Variants in SVEP1 observed in about 807,000 individuals in gnomAD.
The protein encoded by SVEP1 is sushi, von Willebrand factor type A, EGF and pentraxin domain containing 1, also known as sushi, von Willebrand factor type A, EGF and pentraxin domain-containing protein 1.
A neutral mutation model predicts 367.3 loss-of-function variants in SVEP1; 164 were observed. The ratio of observed to expected loss-of-function variants is 0.45; its 90% confidence interval spans 0.39 to 0.51. The LOEUF (loss-of-function observed/expected upper bound fraction) is 0.51. Ranked by LOEUF, SVEP1 falls within the 20% of genes least tolerant of loss-of-function variation. The probability of loss-of-function intolerance (pLI) is 0.00; values close to 1 mark genes in which losing one functional copy is unlikely to be tolerated. For synonymous variants in SVEP1, 1,666 were observed against 1,611.6 expected (o/e 1.03, Z -0.81); for missense variants, 4,117 against 4,425.3 (o/e 0.93, Z 1.98).
chr9:110,441,662 T>C (rs1828511967), intron 27 of SVEP1, among the ~76,000 whole-genome samples: 1 of 152,220 alleles, frequency 6.6e-6, no homozygotes, highest in African/African-American at 2.4e-5. Flanking sequence ...TTATTTTTCA[T>C]TTGTCCCAAG....
At chr9:110,432,966 G>A (rs1174634655) in intron 30 of SVEP1, among the ~76,000 whole-genome samples, 1 of 152,158 alleles carries the variant, frequency 6.6e-6, no homozygotes, top group Non-Finnish European at 1.5e-5. Flanking sequence ...GGGTCATAGG[G>A]GCAGATCCCT....
At chr9:110,384,208 A>G (rs541374435) in intron 43 of SVEP1, among the ~76,000 whole-genome samples, 15 of 152,314 alleles carry the variant, frequency 9.8e-5, no homozygotes, top group African/African-American at 3.6e-4. Flanking sequence ...GCACAGATCC[A>G]TGGAAAAAGT....
intron 27 of SVEP1, among the ~76,000 whole-genome samples, chr9:110,441,601 T>C (rs1275362198): frequency 6.6e-6 from 1 of 152,232 alleles, no homozygotes; most frequent in Non-Finnish European, 1.5e-5. Context: ...TCTGTATGTT[T>C]CATTCCTCTC....
intron 9 of SVEP1, among the ~76,000 whole-genome samples, chr9:110,488,757 C>T (rs1249794610): frequency 6.6e-6 from 1 of 151,786 alleles, no homozygotes; most frequent in South Asian, 2.1e-4. Context: ...GCCTGTAGTC[C>T]CAGCTATTTG....
chr9:110,488,039 G>A (rs1829310195), intron 9 of SVEP1, among the ~76,000 whole-genome samples: 1 of 152,160 alleles, frequency 6.6e-6, no homozygotes, highest in Admixed American at 6.6e-5. Flanking sequence ...GGACTGATCC[G>A]CAGCGGTGGT....
At chr9:110,535,546 T>C (rs1830068705) in intron 3 of SVEP1, among the ~76,000 whole-genome samples, 1 of 152,174 alleles carries the variant, frequency 6.6e-6, no homozygotes, top group South Asian at 2.1e-4. Context: ...AGTTCTGTCA[T>C]GAATGTTATT....
At chr9:110,447,264 A>T (rs1389348074) in intron 24 of SVEP1, among the ~76,000 whole-genome samples, 1 of 152,260 alleles carries the variant, frequency 6.6e-6, no homozygotes, top group African/African-American at 2.4e-5. Flanking sequence ...CAGTAGCAAA[A>T]ATAAAGTAGA....
intron 13 of SVEP1, 131 bp from the exon 14 acceptor site, chr9:110,476,446 C>A: frequency 1.5e-6 from 1 of 666,832 alleles, no homozygotes; most frequent in Non-Finnish European, 2.6e-6. Flanking sequence ...TCTGCACATT[C>A]CTCAAAGGGA....
chr9:110,513,685 A>C (rs1172821230), intron 4 of SVEP1, among the ~76,000 whole-genome samples: 1 of 152,038 alleles, frequency 6.6e-6, no homozygotes, highest in East Asian at 1.9e-4. Flanking sequence ...GATTCATTTT[A>C]AATGTTTTCC....
At position 110,411,309 on chromosome 9, in the gene SVEP1, AG is replaced by A; in HGVS notation, c.6401del (p.Pro2134LeufsTer20). 6.2e-7 allele frequency: 1 copy of A among 1,614,048 alleles called. No individual in the cohort carries two copies. Among genetic ancestry groups the A allele is most frequent in the Non-Finnish European group, 8.5e-7 (1 of 1,179,894 alleles). Reference sequence around the variant, plus strand: ...GGATGCACTGGATGGACATGGGGGAAGGGTTCCACTGCCCACCTCTCATACA... The same window carrying A: ...GGATGCACTGGATGGACATGGGGGAAGGTTCCACTGCCCACCTCTCATACA... ...IECMRGGQWN[P>X]SPMSIQCIPV... On this transcript the variant is annotated frameshift_variant, in exon 37 of 48. Coordinates refer to ENST00000374469, the MANE Select transcript of SVEP1 (RefSeq NM_153366.4). LOFTEE classifies it high-confidence loss of function.
chr9:110,390,090 C>T (rs796888838), intron 40 of SVEP1, among the ~76,000 whole-genome samples: 4 of 98,850 alleles, frequency 4.0e-5, no homozygotes, highest in Admixed American at 1.2e-4. Context: ...TGTATATATA[C>T]ACATACATAC....
At chr9:110,464,805 T>A (rs1168920325) in intron 18 of SVEP1, among the ~76,000 whole-genome samples, 1 of 152,220 alleles carries the variant, frequency 6.6e-6, no homozygotes. Flanking sequence ...CAGTTCCCAG[T>A]GAGTAGCAGA....
At chr9:110,423,169 A>AAAAAAAAAAAAAAAAAAAAAAAAG (rs1828197379) in intron 36 of SVEP1, among the ~76,000 whole-genome samples, 1 of 35,610 alleles carries the variant, frequency 2.8e-5, no homozygotes, top group African/African-American at 1.7e-4. Flanking sequence ...AAAATAAAGT[A>AAAAAAAAAAAAAAAAAAAAAAAAG]AAAAAAAAAA....
intron 30 of SVEP1, among the ~76,000 whole-genome samples, chr9:110,433,246 T>C (rs964527785): frequency 4.6e-5 from 7 of 151,562 alleles, no homozygotes; most frequent in African/African-American, 1.7e-4. Flanking sequence ...TATTTCTTTA[T>C]AGCAATGCAA....
chr9:110,426,478 G>A (rs370031072), intron 36 of SVEP1, among the ~76,000 whole-genome samples: 27 of 151,998 alleles, frequency 1.8e-4, no homozygotes, highest in East Asian at 1.3e-3. Context: ...AAGGCAGAGC[G>A]GTCACACTAT....
At chr9:110,577,934 A>G (rs1361407901) in intron 1 of SVEP1, among the ~76,000 whole-genome samples, 1 of 152,214 alleles carries the variant, frequency 6.6e-6, no homozygotes, top group Non-Finnish European at 1.5e-5. Context: ...TGACAAAGAT[A>G]TTAAAAAGAA....
intron 36 of SVEP1, among the ~76,000 whole-genome samples, chr9:110,415,660 A>G (rs904226937): frequency 6.6e-6 from 1 of 151,988 alleles, no homozygotes; most frequent in African/African-American, 2.4e-5. Context: ...GTAAAGAGAG[A>G]TAAGATGAGT....
At chr9:110,572,148 T>C (rs1341736588) in intron 1 of SVEP1, among the ~76,000 whole-genome samples, 3 of 152,160 alleles carry the variant, frequency 2.0e-5, no homozygotes, top group African/African-American at 7.2e-5. Flanking sequence ...AGGTGATAAA[T>C]CAGAAGACTG....
chr9:110,506,335 G>A (rs1190354048), intron 5 of SVEP1, among the ~76,000 whole-genome samples: 1 of 152,168 alleles, frequency 6.6e-6, no homozygotes, highest in African/African-American at 2.4e-5. Flanking sequence ...AACACCAAAA[G>A]CAATGGCAAC....
Sources: allele counts gnomAD v4.1 joint callset (sites outside exome capture counted in the v4.1 genomes callset), GRCh38; gene constraint gnomAD v4.1.1; transcripts MANE v1.5; gene names NCBI Gene and HGNC (gene_info 2026-07-23, HGNC 2026-07-21).